ZNF680: variants seen among roughly 807,000 people sequenced by gnomAD.
ZNF680 encodes the protein hypothetical protein FLJ90430.
Under a neutral mutation model 12.1 loss-of-function variants are expected in ZNF680, and 6 were observed. The ratio of observed to expected loss-of-function variants is 0.49; its 90% CI spans 0.27 to 0.98. The LOEUF is 0.98. ZNF680 is among the 50% of genes least tolerant of loss of function. ZNF680 has a pLI of 0.12. For synonymous variants in ZNF680, 170 were observed against 199.3 expected (o/e 0.85, Z 1.24); for missense variants, 561 against 616.3 (o/e 0.91, Z 0.95).
the ZNF680 span, chr7:64,500,815 A>G: frequency 2.6e-6 from 1 of 383,250 alleles, no homozygotes; most frequent in East Asian, 6.6e-5. Context: ...TGGGAACCTT[A>G]TCAAACACAA....
the ZNF680 span, chr7:64,501,402 G>A: frequency 8.7e-7 from 1 of 1,148,082 alleles, no homozygotes; most frequent in South Asian, 1.2e-5. Flanking sequence ...ATGACCTTTA[G>A]GCCATTAAGA....
chr7:64,510,266 G>C, the ZNF680 span, among the ~76,000 whole-genome samples: 11 of 150,012 alleles, frequency 7.3e-5, no homozygotes, highest in African/African-American at 1.7e-4. Context: ...ATTTTAAAAA[G>C]CTTGCAAAAA....
chr7:64,538,031 T>G (rs973161874), intron 3 of ZNF680, among the ~76,000 whole-genome samples: 5 of 151,518 alleles, frequency 3.3e-5, no homozygotes, highest in African/African-American at 1.2e-4. Flanking sequence ...CATTAACACA[T>G]GATAGAGAAA....
Position 64,533,388 on chromosome 7 carries a change from T to C in ZNF680, c.253+10319A>G, listed in dbSNP as rs565146127. Reference sequence around the variant, plus strand: ...ACACCAACAGTGACCTAGTGGAGAATCAAATCAAGAACTCAACCCCTTTTA... The same window carrying C: ...ACACCAACAGTGACCTAGTGGAGAACCAAATCAAGAACTCAACCCCTTTTA... On this transcript the variant is annotated intron_variant, in intron 3 of 3. Coordinates refer to ENST00000309683, the MANE Select transcript of ZNF680 (RefSeq NM_178558.5). Among the ~76,000 whole-genome samples, 5 of 152,166 alleles carry C rather than the reference T, an allele frequency of 3.3e-5. 1 individual carries two copies. The South Asian group carries it at 6.2e-4, about 19-fold the overall frequency.
At position 64,533,008 on chromosome 7, in the gene ZNF680, G is replaced by A. The variant is rs1785968755; in HGVS notation, c.254-10508C>T. On this transcript the variant is annotated intron_variant, in intron 3 of 3. Transcript: ENST00000309683. Reference sequence around the variant, plus strand: ...AACTCTCAGCAAAATTGGCATACAAGGGACATACCTCCACGTAATAAAAGT... The same window carrying A: ...AACTCTCAGCAAAATTGGCATACAAAGGACATACCTCCACGTAATAAAAGT... Among the ~76,000 whole-genome samples, 3 of 152,224 alleles carry A rather than the reference G, an allele frequency of 2.0e-5. No individual in the cohort carries two copies. The South Asian group carries it at 6.2e-4, about 32-fold the overall frequency.
At chr7:64,545,708 C>A (rs1786752769) in intron 1 of ZNF680, among the ~76,000 whole-genome samples, 1 of 152,162 alleles carries the variant, frequency 6.6e-6, no homozygotes, top group Non-Finnish European at 1.5e-5. Context: ...TTCTTCAGCA[C>A]CCTAGAAAGC....
rs1791847848 is a variant in ZNF680, at chr7:64,526,444, C to T, written c.254-3944G>A. ...GTGGATTATTTCTGTAATCCCACATCTTTAGGGAGGCCAAGGCAGTAAGAT... is the reference window on the plus strand; with the variant it reads ...GTGGATTATTTCTGTAATCCCACATTTTTAGGGAGGCCAAGGCAGTAAGAT... On this transcript the variant is annotated intron_variant, in intron 3 of 3. Coordinates refer to ENST00000309683, the MANE Select transcript of ZNF680 (RefSeq NM_178558.5). 1.9e-5 allele frequency: 28 copies of T among 1,478,882 alleles called. No homozygotes were observed. The East Asian group carries it at 7.3e-4, about 39-fold the overall frequency. The allele number at this position is 1,478,882 out of a possible 1,614,324, so 91.6% of individuals were successfully genotyped here. A position where few individuals can be genotyped will look rare whatever the true frequency, so the allele number is the denominator to read the frequency against.
the ZNF680 span, among the ~76,000 whole-genome samples, chr7:64,508,982 T>C: frequency 4.6e-5 from 7 of 152,146 alleles, no homozygotes; most frequent in Non-Finnish European, 1.0e-4. Flanking sequence ...TTGTCCCCAG[T>C]AATAGACATT....
chr7:64,525,397 G>GAAA (rs1791783807), intron 3 of ZNF680: 1 of 151,900 alleles, frequency 6.6e-6, no homozygotes, highest in South Asian at 2.1e-4. Context: ...TTAAAAAGCA[G>GAAA]AAAATATTCT....
At chr7:64,500,107 C>A in the ZNF680 span, among the ~76,000 whole-genome samples, 154 of 152,184 alleles carry the variant, frequency 1.0e-3, no homozygotes, top group African/African-American at 3.2e-3. Context: ...CAGCTGCCCC[C>A]CTAGGTTTAT....
intron 3 of ZNF680, chr7:64,525,722 G>A (rs1304681222): frequency 2.3e-6 from 2 of 852,384 alleles, no homozygotes; most frequent in African/African-American, 3.7e-5. Flanking sequence ...AAGAGATTAT[G>A]ATCGTTTGTA....
intron 1 of ZNF680, among the ~76,000 whole-genome samples, chr7:64,558,055 A>G (rs573013267): frequency 1.3e-5 from 2 of 152,342 alleles, no homozygotes; most frequent in Admixed American, 1.3e-4. Context: ...GGATAGTGCA[A>G]TGTAGGTGGA....
downstream of ZNF680, among the ~76,000 whole-genome samples, chr7:64,515,193 TTC>T (rs1370940707): frequency 6.6e-6 from 1 of 152,124 alleles, no homozygotes; most frequent in African/African-American, 2.4e-5. Context: ...ATGCATTTCT[TTC>T]TCTCAGCCTA....
intron 3 of ZNF680, among the ~76,000 whole-genome samples, chr7:64,537,595 C>T (rs1315363628): frequency 6.6e-6 from 1 of 152,010 alleles, no homozygotes; most frequent in Non-Finnish European, 1.5e-5. Context: ...ACAGCAAAAA[C>T]AATGTGGTAC....
At chr7:64,556,278 A>AG (rs1355658842) in intron 1 of ZNF680, among the ~76,000 whole-genome samples, 1 of 149,644 alleles carries the variant, frequency 6.7e-6, no homozygotes, top group African/African-American at 2.5e-5. Context: ...AAAAAAAAAA[A>AG]AGTATTTTAA....
At chr7:64,561,001 A>G (rs1378338184) in intron 1 of ZNF680, 2 of 152,012 alleles carry the variant, frequency 1.3e-5, no homozygotes, top group Non-Finnish European at 2.9e-5. Flanking sequence ...CAAATTTTTC[A>G]CTATTTGTCT....
intron 1 of ZNF680, among the ~76,000 whole-genome samples, chr7:64,550,035 T>C (rs1336793510): frequency 6.6e-6 from 1 of 152,130 alleles, no homozygotes; most frequent in Admixed American, 6.6e-5. Context: ...GTAGACAGTT[T>C]ATTTGGGTCA....
chr7:64,535,866 C>T (rs1786138343), intron 3 of ZNF680, among the ~76,000 whole-genome samples: 1 of 152,052 alleles, frequency 6.6e-6, no homozygotes, highest in Non-Finnish European at 1.5e-5. Context: ...ATTGCTTGAA[C>T]TCGGGAGGCA....
intron 3 of ZNF680, among the ~76,000 whole-genome samples, chr7:64,537,813 C>T (rs1480887085): frequency 2.0e-5 from 3 of 151,998 alleles, no homozygotes; most frequent in South Asian, 4.2e-4. Flanking sequence ...GCCTGTAGTC[C>T]CAGCTATTTG....
Sources: gnomAD v4.1 joint callset for allele counts (sites outside exome capture counted in the v4.1 genomes callset) on GRCh38, gnomAD v4.1.1 for gene constraint, MANE v1.5 for transcripts, NCBI Gene and HGNC (gene_info 2026-07-23, HGNC 2026-07-21) for gene names.